NOS1AP: variants seen among roughly 807,000 people sequenced by gnomAD.
NOS1AP encodes carboxyl-terminal PDZ ligand of neuronal nitric oxide synthase protein.
NOS1AP carries 21 observed loss-of-function variants against 56.2 expected under a neutral mutation model. That is an observed-to-expected ratio of 0.37 (90% CI 0.26 to 0.54). NOS1AP has a LOEUF of 0.54. Ranked by LOEUF, NOS1AP falls within the 20% of genes least tolerant of loss-of-function variation. The probability of loss-of-function intolerance (pLI) is 0.84; values close to 1 mark genes in which losing one functional copy is unlikely to be tolerated. For synonymous variants in NOS1AP, 270 were observed against 274.6 expected (o/e 0.98, Z 0.17); for missense variants, 522 against 657.8 (o/e 0.79, Z 2.26).
chr1:162,193,586 T>C (rs933588873), intron 2 of NOS1AP, among the ~76,000 whole-genome samples: 1 of 152,194 alleles, frequency 6.6e-6, no homozygotes, highest in African/African-American at 2.4e-5. Context: ...ATTTACTGAA[T>C]GTTTGTCTAT....
chr1:162,293,549 A>G (rs1476066328), intron 3 of NOS1AP, among the ~76,000 whole-genome samples: 3 of 152,230 alleles, frequency 2.0e-5, no homozygotes, highest in African/African-American at 4.8e-5. Context: ...TTAGAATGAT[A>G]AAGTGGCTGT....
At chr1:162,132,006 C>T (rs1465489421) in intron 1 of NOS1AP, among the ~76,000 whole-genome samples, 4 of 152,202 alleles carry the variant, frequency 2.6e-5, no homozygotes, top group Non-Finnish European at 2.9e-5. Context: ...AAACTGTAAA[C>T]TGCACAGTGA....
At chr1:162,189,676 G>C (rs1182940191) in intron 2 of NOS1AP, among the ~76,000 whole-genome samples, 1 of 152,188 alleles carries the variant, frequency 6.6e-6, no homozygotes, top group African/African-American at 2.4e-5. Context: ...GGTAACATCA[G>C]AGAGTGGTCA....
chr1:162,139,008 G>C (rs927201516), intron 1 of NOS1AP, among the ~76,000 whole-genome samples: 10 of 152,170 alleles, frequency 6.6e-5, no homozygotes, highest in African/African-American at 2.4e-4. Flanking sequence ...CACCTCTACT[G>C]CCCTTGCCCT....
intron 2 of NOS1AP, among the ~76,000 whole-genome samples, chr1:162,189,895 T>C (rs908177565): frequency 1.3e-5 from 2 of 152,044 alleles, no homozygotes; most frequent in Non-Finnish European, 2.9e-5. Flanking sequence ...TGGCGAGGGA[T>C]CAGCAGGTAC....
At chr1:162,350,453 T>G (rs779189051) in intron 6 of NOS1AP, among the ~76,000 whole-genome samples, 12 of 152,306 alleles carry the variant, frequency 7.9e-5, no homozygotes, top group Admixed American at 3.3e-4. Context: ...TCCCTGGGAC[T>G]CCAAGCCAGG....
chr1:162,288,357 A>G (rs4657182), intron 3 of NOS1AP, among the ~76,000 whole-genome samples: 149,991 of 152,326 alleles, frequency 0.98, 73,884 homozygotes, highest in Middle Eastern at 1. Flanking sequence ...AATCTCAGTC[A>G]CTCTTAATTC....
intron 2 of NOS1AP, among the ~76,000 whole-genome samples, chr1:162,207,861 A>G (rs1374830510): frequency 6.6e-6 from 1 of 152,196 alleles, no homozygotes; most frequent in Admixed American, 6.5e-5. Flanking sequence ...TCAGTTTCTT[A>G]TAATGCACAT....
chr1:162,192,226 C>G (rs1344425003), intron 2 of NOS1AP, among the ~76,000 whole-genome samples: 2 of 152,172 alleles, frequency 1.3e-5, no homozygotes, highest in African/African-American at 2.4e-5. Context: ...GATGTGTGCT[C>G]AAGCTTGACA....
chr1:162,236,844 C>A (rs1234314000), intron 2 of NOS1AP, among the ~76,000 whole-genome samples: 1 of 152,204 alleles, frequency 6.6e-6, no homozygotes, highest in Admixed American at 6.5e-5. Flanking sequence ...GGCTGTACTT[C>A]CTCACTGACC....
At chr1:162,112,138 G>A (rs750528017) in intron 1 of NOS1AP, among the ~76,000 whole-genome samples, 1 of 152,112 alleles carries the variant, frequency 6.6e-6, no homozygotes, top group Admixed American at 6.5e-5. Context: ...CTAGCTAACT[G>A]GTACCATCTG....
At chr1:162,161,337 A>G (rs149120438) in intron 2 of NOS1AP, among the ~76,000 whole-genome samples, 5,047 of 152,268 alleles carry the variant, frequency 0.033, 121 homozygotes, top group Non-Finnish European at 0.048. Context: ...CATAGCAGGG[A>G]TTGGAGAGAT....
chr1:162,233,679 G>T (rs74128707), intron 2 of NOS1AP, among the ~76,000 whole-genome samples: 2,577 of 152,180 alleles, frequency 0.017, 59 homozygotes, highest in African/African-American at 0.058. Context: ...GTACTTTATT[G>T]TCCAATCCCA....
chr1:162,204,654 T>G (rs1652103958), intron 2 of NOS1AP, among the ~76,000 whole-genome samples: 1 of 152,232 alleles, frequency 6.6e-6, no homozygotes. Context: ...GTGCCTCTTG[T>G]CATATAGTGT....
intron 1 of NOS1AP, among the ~76,000 whole-genome samples, chr1:162,094,256 A>G (rs1048595332): frequency 6.6e-6 from 1 of 152,188 alleles, no homozygotes; most frequent in East Asian, 1.9e-4. Context: ...TCTTCATGGC[A>G]TCATAAACAC....
intron 3 of NOS1AP, among the ~76,000 whole-genome samples, chr1:162,289,288 T>TC (rs1655206506): frequency 7.3e-6 from 1 of 137,848 alleles, no homozygotes; most frequent in African/African-American, 2.7e-5. Context: ...TTTCCTTCCT[T>TC]CCTTCTTCCT....
In NOS1AP at chr1:162,194,336, G is replaced by T. The variant is rs1263475708; in HGVS notation, c.177+39860G>T. 3.9e-5 allele frequency among the ~76,000 whole-genome samples: 6 copies of T among 152,266 alleles called. No individual in the cohort carries two copies. The South Asian group carries it at 8.3e-4, about 21-fold the overall frequency. ...AAGACTGCTCTGCCCAGTCTTGTTT[G>T]CAGAGAGCCTGGTTGGTCCATCTCT... On this transcript the variant is annotated intron_variant, in intron 2 of 9. Transcript: ENST00000361897.
At chr1:162,138,167 A>G (rs527644967) in intron 1 of NOS1AP, among the ~76,000 whole-genome samples, 1 of 152,344 alleles carries the variant, frequency 6.6e-6, no homozygotes, top group African/African-American at 2.4e-5. Context: ...TAAAGCAATC[A>G]TAATCATTTA....
At chr1:162,308,613 G>A (rs1007172911) in intron 4 of NOS1AP, among the ~76,000 whole-genome samples, 2 of 152,162 alleles carry the variant, frequency 1.3e-5, no homozygotes, top group Non-Finnish European at 2.9e-5. Context: ...TCGGACCAAG[G>A]GAAGCCCTTT....
Sources: gnomAD v4.1 joint callset for allele counts (sites outside exome capture counted in the v4.1 genomes callset) on GRCh38, gnomAD v4.1.1 for gene constraint, MANE v1.5 for transcripts, NCBI Gene and HGNC (gene_info 2026-07-23, HGNC 2026-07-21) for gene names.